Variants in SYTL2 observed in about 807,000 individuals in gnomAD.
The protein encoded by SYTL2 is synaptotagmin like 2, also known as synaptotagmin-like protein 2.
SYTL2 carries 165 observed loss-of-function variants against 198.7 expected under a neutral mutation model. That is an observed-to-expected ratio of 0.83 (90% CI 0.73 to 0.94). The LOEUF (loss-of-function observed/expected upper bound fraction) is 0.94, where lower values mean the gene tolerates loss of function less well. Ranked by LOEUF, SYTL2 falls within the 40% of genes least tolerant of loss-of-function variation. The pLI, the probability that SYTL2 is intolerant of heterozygous loss-of-function variation, is 0.00. For synonymous variants in SYTL2, 966 were observed against 917.7 expected, an observed-to-expected ratio of 1.05 and a Z score of -0.95; for missense variants, 2,835 against 2,582.8, an observed-to-expected ratio of 1.10 and a Z score of -2.12.
upstream of SYTL2, among the ~76,000 whole-genome samples, chr11:85,815,373 A>G (rs1482915011): frequency 2.0e-5 from 3 of 152,246 alleles, no homozygotes; most frequent in Non-Finnish European, 2.9e-5. Context: ...AATGTACAGC[A>G]TTTAAAACAC....
chr11:85,706,739 G>A (rs753301853), intron 15 of SYTL2, among the ~76,000 whole-genome samples: 21 of 152,212 alleles, frequency 1.4e-4, no homozygotes, highest in Non-Finnish European at 3.1e-4. Context: ...AAGGGTTATA[G>A]AAAGCAGAAA....
At chr11:85,695,700 A>C (rs753992768) in intron 19 of SYTL2, among the ~76,000 whole-genome samples, 11 of 152,140 alleles carry the variant, frequency 7.2e-5, no homozygotes, top group Non-Finnish European at 1.5e-4. Flanking sequence ...CTCAATTTTG[A>C]ATCTTGGCTC....
chr11:85,760,440 C>G (rs2092066068), intron 1 of SYTL2, among the ~76,000 whole-genome samples: 1 of 152,148 alleles, frequency 6.6e-6, no homozygotes, highest in Non-Finnish European at 1.5e-5. Flanking sequence ...AAAGAATGAG[C>G]AAATGAATAA....
At position 85,711,112 on chromosome 11, in the gene SYTL2, C is replaced by T. The variant is rs781764955; in HGVS notation, c.5745+1G>A. ...TTAATATGGAGCCTTTGTTTACATA[C>T]AGAAGACAAGGACGTCATGCCAGAG... On this transcript the variant is annotated splice_donor_variant, in intron 13 of 19. Coordinates refer to ENST00000359152, the MANE Select transcript of SYTL2 (RefSeq NM_206927.4). LOFTEE classifies it high-confidence loss of function. 1.9e-6 allele frequency: 3 copies of T among 1,613,822 alleles called. No homozygotes were observed. Among genetic ancestry groups the T allele is most frequent in the Non-Finnish European group, 2.5e-6 (3 of 1,179,870 alleles).
At chr11:85,705,182 G>A (rs991699745) in intron 15 of SYTL2, 154 bp from the exon 16 acceptor site, 1 of 528,826 alleles carries the variant, frequency 1.9e-6, no homozygotes, top group Non-Finnish European at 3.3e-6. Context: ...CTTATTCTAA[G>A]CATCTTGTTT....
chr11:85,696,884 AG>A (rs1400969202), intron 18 of SYTL2, among the ~76,000 whole-genome samples: 1 of 152,246 alleles, frequency 6.6e-6, no homozygotes, highest in African/African-American at 2.4e-5. Flanking sequence ...GAAAAAGAAG[AG>A]AAACCTCTCC....
chr11:85,817,512 A>G, the SYTL2 span, among the ~76,000 whole-genome samples: 1 of 152,246 alleles, frequency 6.6e-6, no homozygotes, highest in East Asian at 1.9e-4. Context: ...TCATCTGTTT[A>G]TTTTTACTTT....
At position 85,807,620 on chromosome 11, in the gene SYTL2, T is replaced by C. The variant is rs369501714; in HGVS notation, c.-390+3334A>G. 6.6e-5 allele frequency among the ~76,000 whole-genome samples: 10 copies of C among 152,342 alleles called. No homozygotes were observed. In the East Asian group the frequency reaches 1.9e-3, roughly 29 times the overall value. On this transcript the variant is annotated intron_variant, in intron 1 of 19. Transcript: ENST00000359152. Reference sequence around the variant, plus strand: ...GCAATGACTTTCTCCAGGACCCTCCTGAATTTTCTGCAAATTACTGTGCAA... The same window carrying C: ...GCAATGACTTTCTCCAGGACCCTCCCGAATTTTCTGCAAATTACTGTGCAA...
upstream of SYTL2, among the ~76,000 whole-genome samples, chr11:85,813,900 C>G (rs1019455554): frequency 6.6e-6 from 1 of 152,064 alleles, no homozygotes; most frequent in South Asian, 2.1e-4. Context: ...TTATTGTATT[C>G]TTAGTAGAGA....
the SYTL2 span, among the ~76,000 whole-genome samples, chr11:85,850,815 G>A: frequency 1.3e-5 from 2 of 150,040 alleles, no homozygotes; most frequent in African/African-American, 2.4e-5. Context: ...AGAAAATGTG[G>A]CACATATACA....
At chr11:85,764,207 T>A (rs578071332) in intron 1 of SYTL2, among the ~76,000 whole-genome samples, 1 of 152,236 alleles carries the variant, frequency 6.6e-6, no homozygotes, top group Non-Finnish European at 1.5e-5. Flanking sequence ...CTCTTCTTAG[T>A]TGAGGGGATA....
chr11:85,698,640 T>A (rs1317365690), intron 17 of SYTL2, among the ~76,000 whole-genome samples: 1 of 152,128 alleles, frequency 6.6e-6, no homozygotes, highest in Non-Finnish European at 1.5e-5. Context: ...TGGGCTCAAG[T>A]GATCCTCCTA....
intron 2 of SYTL2, among the ~76,000 whole-genome samples, chr11:85,756,777 T>C (rs1363025942): frequency 2.6e-5 from 4 of 152,308 alleles, no homozygotes; most frequent in East Asian, 1.9e-4. Context: ...GTTAAATCAG[T>C]GTCAAGATAC....
rs1394666965 is a variant in SYTL2 at position 85,789,358 on chromosome 11, A to G, written c.-390+21596T>C. Among the ~76,000 whole-genome samples the G allele has an allele frequency of 1.2e-3, 71 of 59,728 alleles. 1 individual carries two copies. The highest frequency in any genetic ancestry group is 2.9e-3 in the African/African-American group (44 of 15,300). 39.2% of individuals were successfully genotyped at this position (59,728 alleles called of 152,430 possible). On this transcript the variant is annotated intron_variant, in intron 1 of 19. Transcript: ENST00000359152. ...TGTGTGTGTATATATATATATATATATATATATATATATATATATGTATAT... is the reference window on the plus strand; with the variant it reads ...TGTGTGTGTATATATATATATATATGTATATATATATATATATATGTATAT...
At chr11:85,705,805 G>C (rs1381491798) in intron 15 of SYTL2, among the ~76,000 whole-genome samples, 1 of 152,162 alleles carries the variant, frequency 6.6e-6, no homozygotes, top group Non-Finnish European at 1.5e-5. Flanking sequence ...CTTTTCCTGA[G>C]TATAGGGTTG....
intron 8 of SYTL2, among the ~76,000 whole-genome samples, chr11:85,723,766 A>G (rs867846362): frequency 2.0e-5 from 3 of 152,256 alleles, no homozygotes; most frequent in African/African-American, 7.2e-5. Context: ...TGATTAAAAA[A>G]TATAAATAAT....
chr11:85,715,375 A>T (rs1455065676), intron 11 of SYTL2, among the ~76,000 whole-genome samples: 1 of 152,150 alleles, frequency 6.6e-6, no homozygotes, highest in Non-Finnish European at 1.5e-5. Context: ...AGTGCCTAGC[A>T]CAGAGTAAGC....
At chr11:85,717,708 C>A in intron 10 of SYTL2, 178 bp from the exon 11 acceptor site, 1 of 644,692 alleles carries the variant, frequency 1.6e-6, no homozygotes, top group South Asian at 1.5e-5. Flanking sequence ...TCTTTAAGGT[C>A]TCCTGTTCAA....
chr11:85,718,843 T>C lies in SYTL2; in HGVS notation c.5429A>G (p.Asn1810Ser), dbSNP rs2087799208. The C allele has an allele frequency of 1.2e-6, 2 of 1,613,580 alleles. No individual in the cohort carries two copies. The highest frequency in any genetic ancestry group is 1.7e-6 in the Non-Finnish European group (2 of 1,179,704). The stretch of plus-strand genomic sequence containing the variant: ...TGGCTGATTATCTACTTTTGCTTGA[T>C]CTGTTCAGAAGAAATTAACAAATGG... ...SLEDISSDSS[N>S]QAKVDNQPEE... The change falls in exon 10 of 20, where the codon AAT becomes AGT. Residue 1810 changes from asparagine to serine, a missense_variant and splice_region_variant. Around this residue, in one of 3 missense-constraint regions of SYTL2, gnomAD observed 2,645 missense variants for 2,381.7 expected, o/e 1.11. Coordinates refer to ENST00000359152, the MANE Select transcript of SYTL2 (RefSeq NM_206927.4).
Sources: allele counts gnomAD v4.1 joint callset (sites outside exome capture counted in the v4.1 genomes callset), GRCh38; gene constraint gnomAD v4.1.1; regional missense constraint gnomAD v4.1.1; transcripts MANE v1.5; gene names NCBI Gene and HGNC (gene_info 2026-07-23, HGNC 2026-07-21).